TXNRD3: variants seen among roughly 807,000 people sequenced by gnomAD.
The protein encoded by TXNRD3 is thioredoxin reductase 3.
A neutral mutation model predicts 78.2 loss-of-function variants in TXNRD3; 68 were observed. That is an observed-to-expected ratio of 0.87 (90% confidence interval 0.72 to 1.06). The LOEUF is 1.06. Among genes scored for constraint, TXNRD3 ranks in the 50% least tolerant of loss-of-function variants. The pLI is 0.00. For missense variants in TXNRD3, 751 were observed against 809.5 expected (o/e 0.93, Z 0.88); for synonymous variants, 296 against 300.1 (o/e 0.99, Z 0.14).
chr3:126,617,503 G>T (rs1357566184), intron 12 of TXNRD3, among the ~76,000 whole-genome samples: 2 of 152,130 alleles, frequency 1.3e-5, no homozygotes, highest in African/African-American at 4.8e-5. Context: ...GGTACCTGGG[G>T]GATGAAGCAA....
chr3:126,618,966 T>C (rs1185122351), intron 12 of TXNRD3, among the ~76,000 whole-genome samples: 5 of 149,876 alleles, frequency 3.3e-5, no homozygotes, highest in Admixed American at 2.7e-4. Flanking sequence ...TATGAAAAAA[T>C]GCTTAGTATC....
At chr3:126,624,480 G>A (rs1036982396) in intron 10 of TXNRD3, among the ~76,000 whole-genome samples, 5 of 151,914 alleles carry the variant, frequency 3.3e-5, no homozygotes, top group African/African-American at 1.2e-4. Flanking sequence ...GAGTGCAGTG[G>A]CGTGATCTCG....
intron 9 of TXNRD3, among the ~76,000 whole-genome samples, chr3:126,630,257 G>C (rs1314802078): frequency 1.3e-5 from 2 of 152,242 alleles, no homozygotes; most frequent in Non-Finnish European, 2.9e-5. Flanking sequence ...TCAAAGAAGT[G>C]AAGGAGATGG....
intron 15 of TXNRD3, 71 bp downstream of exon 15, chr3:126,608,428 G>C: frequency 7.2e-7 from 1 of 1,396,330 alleles, no homozygotes; most frequent in South Asian, 1.6e-5. Flanking sequence ...ACATCTTTCT[G>C]ACAAGTGCTT....
chr3:126,630,239 A>G (rs1267347755), intron 9 of TXNRD3, among the ~76,000 whole-genome samples: 1 of 152,270 alleles, frequency 6.6e-6, no homozygotes, highest in Non-Finnish European at 1.5e-5. Flanking sequence ...AAAGCCTGAC[A>G]ATCAGCTTCA....
intron 14 of TXNRD3, 22 bp downstream of exon 14, chr3:126,611,015 G>A: frequency 7.9e-7 from 1 of 1,271,882 alleles, no homozygotes; most frequent in Admixed American, 2.9e-5. Context: ...ACAGCATTTT[G>A]GCTTCTAGTG....
chr3:126,642,811 C>T (rs1933126499), intron 5 of TXNRD3, among the ~76,000 whole-genome samples: 1 of 152,164 alleles, frequency 6.6e-6, no homozygotes, highest in Non-Finnish European at 1.5e-5. Context: ...TAGGCTATAA[C>T]TTTCTGAGTA....
rs1309108804 is a variant in TXNRD3, at chr3:126,655,106, AC to A, written c.-117del. On this transcript the variant is annotated 5_prime_UTR_variant, in exon 1 of 16. Coordinates refer to ENST00000524230, the MANE Select transcript of TXNRD3 (RefSeq NM_052883.3). ...AACGCTGCCCTCGCTGGCCACTCTC[AC>A]CACCCGCGCGAATCCGCGAGGCAGC... is the stretch of plus-strand genomic sequence containing the variant. 7.7e-7 allele frequency: 1 copy of A among 1,297,070 alleles called. No individual in the cohort carries two copies. Among genetic ancestry groups the A allele is most frequent in the Non-Finnish European group, 9.8e-7 (1 of 1,021,612 alleles). 80.3% of individuals were successfully genotyped at this position (1,297,070 alleles called of 1,614,324 possible). A position where few individuals can be genotyped will look rare whatever the true frequency, so the allele number is the denominator to read the frequency against.
At chr3:126,648,345 T>A (rs768901853) in intron 1 of TXNRD3, among the ~76,000 whole-genome samples, 2 of 152,162 alleles carry the variant, frequency 1.3e-5, no homozygotes, top group South Asian at 2.1e-4. Context: ...ATCCCAATGA[T>A]CTTTTTTTGC....
intron 10 of TXNRD3, among the ~76,000 whole-genome samples, chr3:126,623,705 G>C (rs1418681595): frequency 1.3e-5 from 2 of 151,956 alleles, no homozygotes; most frequent in African/African-American, 2.4e-5. Context: ...CCAGATAAAA[G>C]GCAAGTGTAG....
At chr3:126,643,959 A>C in intron 5 of TXNRD3, 22 bp downstream of exon 5, 2 of 1,531,544 alleles carry the variant, frequency 1.3e-6, no homozygotes, top group Non-Finnish European at 1.7e-6. Flanking sequence ...GCAGAGAGGA[A>C]CAACAGAGAA....
At chr3:126,625,982 G>A (rs1938571167) in intron 10 of TXNRD3, 3 of 152,694 alleles carry the variant, frequency 2.0e-5, no homozygotes, top group Admixed American at 6.5e-5. Context: ...GCAGAGCTTC[G>A]AGATGATCTG....
intron 12 of TXNRD3, among the ~76,000 whole-genome samples, chr3:126,621,457 G>A (rs1938454872): frequency 6.6e-6 from 1 of 152,180 alleles, no homozygotes; most frequent in African/African-American, 2.4e-5. Context: ...ACCACACTCT[G>A]CCTTCTGCTC....
chr3:126,611,029 T>A lies in TXNRD3; in HGVS notation c.1728+8A>T, dbSNP rs556989586. On this transcript the variant is annotated splice_region_variant and intron_variant, in intron 14 of 15. Coordinates refer to ENST00000524230, the MANE Select transcript of TXNRD3 (RefSeq NM_052883.3). ...CACAGCATTTTGGCTTCTAGTGGTATTACATACATGGTCGAATTTATTGCA... is the reference window on the plus strand; with the variant it reads ...CACAGCATTTTGGCTTCTAGTGGTAATACATACATGGTCGAATTTATTGCA... The A allele has an allele frequency of 1.4e-6, 2 of 1,456,700 alleles. No individual in the cohort carries two copies. The highest frequency in any genetic ancestry group is 5.0e-5 in the East Asian group (2 of 39,608). The allele number at this position is 1,456,700 out of a possible 1,614,324, so 90.2% of individuals were successfully genotyped here. A position where few individuals can be genotyped will look rare whatever the true frequency, so the allele number is the denominator to read the frequency against.
intron 15 of TXNRD3, among the ~76,000 whole-genome samples, 186 bp from the exon 16 acceptor site, chr3:126,608,159 G>A (rs1190300996): frequency 6.6e-6 from 1 of 151,978 alleles, no homozygotes; most frequent in Admixed American, 6.6e-5. Context: ...TCAGAAGTTC[G>A]AGACCACCCT....
At chr3:126,646,797 C>A (rs1156971561) in intron 2 of TXNRD3, among the ~76,000 whole-genome samples, 1 of 152,182 alleles carries the variant, frequency 6.6e-6, no homozygotes, top group Non-Finnish European at 1.5e-5. Context: ...TGAAAAACTC[C>A]TTATGTGTAA....
At chr3:126,635,558 A>G (rs923336844) in intron 6 of TXNRD3, among the ~76,000 whole-genome samples, 1 of 152,202 alleles carries the variant, frequency 6.6e-6, no homozygotes, top group Non-Finnish European at 1.5e-5. Flanking sequence ...CTATTTTCAC[A>G]TATGTATTTT....
chr3:126,637,005 C>T (rs1938880087), intron 6 of TXNRD3, among the ~76,000 whole-genome samples: 1 of 151,472 alleles, frequency 6.6e-6, no homozygotes, highest in African/African-American at 2.4e-5. Flanking sequence ...CCAATGTGGC[C>T]GAGGGAAGTC....
At chr3:126,650,639 T>C (rs1015921455) in intron 1 of TXNRD3, among the ~76,000 whole-genome samples, 3 of 149,534 alleles carry the variant, frequency 2.0e-5, no homozygotes, top group African/African-American at 7.4e-5. Flanking sequence ...AGACCCCATC[T>C]CAGAAAAAAA....
Sources: gnomAD v4.1 joint callset for allele counts (sites outside exome capture counted in the v4.1 genomes callset) on GRCh38, gnomAD v4.1.1 for gene constraint, MANE v1.5 for transcripts, NCBI Gene and HGNC (gene_info 2026-07-23, HGNC 2026-07-21) for gene names.